Variants in B3GALT1 observed in about 807,000 individuals in gnomAD.
B3GALT1 encodes the protein UDP-Gal:betaGlcNAc beta 1,3-galactosyltransferase, polypeptide 1.
B3GALT1 carries 10 observed loss-of-function variants against 23.2 expected under a neutral mutation model. That is an observed-to-expected ratio of 0.43 (90% CI 0.27 to 0.73). B3GALT1 has a LOEUF of 0.73. Ranked by LOEUF, B3GALT1 falls within the 30% of genes least tolerant of loss-of-function variation. The pLI is 0.21. For synonymous variants in B3GALT1, 156 were observed against 141.5 expected (o/e 1.10, Z -0.73); for missense variants, 299 against 405.4 (o/e 0.74, Z 2.25).
At chr2:167,505,624 A>G (rs1334698740) in intron 2 of B3GALT1, among the ~76,000 whole-genome samples, 2 of 152,204 alleles carry the variant, frequency 1.3e-5, no homozygotes, top group Non-Finnish European at 2.9e-5. Context: ...GAGTTTGAGC[A>G]CATACTCAAG....
intron 3 of B3GALT1, among the ~76,000 whole-genome samples, chr2:167,779,086 C>T (rs1287130159): frequency 6.6e-6 from 1 of 152,174 alleles, no homozygotes; most frequent in African/African-American, 2.4e-5. Flanking sequence ...TACTGGAAAG[C>T]CCAGGAAAGC....
intron 1 of B3GALT1, among the ~76,000 whole-genome samples, chr2:167,462,916 CA>C (rs1248320147): frequency 1.3e-5 from 2 of 152,036 alleles, no homozygotes; most frequent in East Asian, 3.9e-4. Context: ...TCAAATATGA[CA>C]AAAAGGTAAG....
chr2:167,515,920 C>T (rs1251519692), intron 2 of B3GALT1, among the ~76,000 whole-genome samples: 2 of 152,078 alleles, frequency 1.3e-5, no homozygotes, highest in African/African-American at 2.4e-5. Flanking sequence ...TAGGTCACAA[C>T]ACAAACCTTC....
intron 1 of B3GALT1, among the ~76,000 whole-genome samples, chr2:167,364,179 A>G (rs1474954712): frequency 6.6e-6 from 1 of 150,578 alleles, no homozygotes; most frequent in Non-Finnish European, 1.5e-5. Context: ...AAAAAAAAAA[A>G]AAAAAAAGGA....
rs66820655 is a variant in B3GALT1, at chr2:167,852,467, GGTGTGTGT to G, written c.-229-16313_-229-16306del. Among the ~76,000 whole-genome samples the G allele has an allele frequency of 2.8e-3, 414 of 146,566 alleles. 4 individuals carry two copies. The highest frequency in any genetic ancestry group is 8.5e-3 in the African/African-American group (337 of 39,802). The stretch of plus-strand genomic sequence containing the variant: ...CCCAACTGTCTCTTTTATTCGTGAT[GGTGTGTGT>G]GTGTGTGTGTGTGTGTGTGTGTGTG... On this transcript the variant is annotated intron_variant, in intron 4 of 4. Transcript: ENST00000392690.
chr2:167,521,987 T>TATATATATATATATATATATATACACAC (rs1323364702), intron 2 of B3GALT1, among the ~76,000 whole-genome samples: 36 of 114,126 alleles, frequency 3.2e-4, no homozygotes, highest in South Asian at 5.4e-4. Context: ...TGTGTGTGTA[T>TATATATATATATATATATATATACACAC]ATATATATAT....
At chr2:167,599,427 G>T (rs1331510277) in intron 2 of B3GALT1, among the ~76,000 whole-genome samples, 1 of 152,120 alleles carries the variant, frequency 6.6e-6, no homozygotes, top group Non-Finnish European at 1.5e-5. Context: ...TTGGTTTCCA[G>T]TGATATTATC....
At chr2:167,609,341 G>A (rs1197180179) in intron 2 of B3GALT1, among the ~76,000 whole-genome samples, 1 of 152,152 alleles carries the variant, frequency 6.6e-6, no homozygotes, top group Non-Finnish European at 1.5e-5. Flanking sequence ...AACCAGTAAT[G>A]TGGAGAAATT....
intron 2 of B3GALT1, among the ~76,000 whole-genome samples, chr2:167,560,703 CAAAG>C (rs1241594984): frequency 5.3e-5 from 8 of 151,742 alleles, no homozygotes; most frequent in African/African-American, 1.2e-4. Context: ...TCAAAAGAGA[CAAAG>C]AAGGCCATTA....
At chr2:167,469,206 T>A (rs1383540468) in intron 1 of B3GALT1, among the ~76,000 whole-genome samples, 1 of 152,206 alleles carries the variant, frequency 6.6e-6, no homozygotes, top group Non-Finnish European at 1.5e-5. Flanking sequence ...GGAGCCAGGC[T>A]GCTAGAGTGT....
intron 1 of B3GALT1, among the ~76,000 whole-genome samples, chr2:167,439,021 G>C (rs1031922860): frequency 6.6e-6 from 1 of 152,216 alleles, no homozygotes; most frequent in African/African-American, 2.4e-5. Context: ...GACAAAGAAA[G>C]GCCTGGCTCC....
intron 3 of B3GALT1, chr2:167,815,018 A>G (rs764082833): frequency 6.6e-6 from 1 of 152,370 alleles, no homozygotes; most frequent in Non-Finnish European, 1.5e-5. Flanking sequence ...AAGCCCATGC[A>G]AGCTGGCCTG....
At chr2:167,321,793 A>G (rs1696815787) in intron 1 of B3GALT1, among the ~76,000 whole-genome samples, 1 of 152,016 alleles carries the variant, frequency 6.6e-6, no homozygotes, top group Non-Finnish European at 1.5e-5. Flanking sequence ...CCACCCTTTC[A>G]GCTCCTATTC....
chr2:167,555,655 A>T (rs1362900144), intron 2 of B3GALT1, among the ~76,000 whole-genome samples: 1 of 152,186 alleles, frequency 6.6e-6, no homozygotes. Flanking sequence ...AGCAAGAGTG[A>T]TATTGCCAAA....
At chr2:167,709,362 T>C (rs1687016577) in intron 3 of B3GALT1, among the ~76,000 whole-genome samples, 2 of 152,170 alleles carry the variant, frequency 1.3e-5, no homozygotes, top group African/African-American at 4.8e-5. Flanking sequence ...CTGCTGAATT[T>C]TGGATGAGGT....
chr2:167,461,820 G>A (rs1699263243), intron 1 of B3GALT1, among the ~76,000 whole-genome samples: 1 of 152,086 alleles, frequency 6.6e-6, no homozygotes, highest in South Asian at 2.1e-4. Flanking sequence ...TATTTTATAT[G>A]TAATGTAGAG....
At chr2:167,609,157 C>A (rs1685015611) in intron 2 of B3GALT1, among the ~76,000 whole-genome samples, 3 of 152,138 alleles carry the variant, frequency 2.0e-5, no homozygotes, top group Admixed American at 6.6e-5. Context: ...ACCACACCAA[C>A]TGTCATGATC....
chr2:167,634,677 A>G (rs929459736), intron 2 of B3GALT1, among the ~76,000 whole-genome samples: 1 of 152,136 alleles, frequency 6.6e-6, no homozygotes, highest in African/African-American at 2.4e-5. Context: ...GAATAGACCA[A>G]TTACAAGTTC....
intron 2 of B3GALT1, among the ~76,000 whole-genome samples, chr2:167,620,430 A>AT (rs1324353572): frequency 6.6e-6 from 1 of 151,992 alleles, no homozygotes; most frequent in African/African-American, 2.4e-5. Context: ...TTGGGATTGT[A>AT]TTTTTTTCTG....
Sources: allele counts gnomAD v4.1 joint callset (sites outside exome capture counted in the v4.1 genomes callset), GRCh38; gene constraint gnomAD v4.1.1; transcripts MANE v1.5; gene names NCBI Gene and HGNC (gene_info 2026-07-23, HGNC 2026-07-21).